The following HDAC9 variants were observed in gnomAD, a reference collection of about 807,000 sequenced individuals.
HDAC9 encodes histone deacetylase 9.
HDAC9 carries 41 observed loss-of-function variants against 139.4 expected under a neutral mutation model. That is an observed-to-expected ratio of 0.29 (90% CI 0.23 to 0.38). HDAC9 has a LOEUF of 0.38. Among genes scored for constraint, HDAC9 ranks in the 10% least tolerant of loss-of-function variants. HDAC9 has a pLI of 1.00. For missense variants in HDAC9, 1,147 were observed against 1,297.0 expected (o/e 0.88, Z 1.78); for synonymous variants, 517 against 476.2 (o/e 1.09, Z -1.12).
intron 22 of HDAC9, among the ~76,000 whole-genome samples, chr7:18,916,585 T>C (rs562544668): frequency 6.6e-6 from 1 of 152,020 alleles, no homozygotes; most frequent in East Asian, 2.0e-4. Context: ...TGTAAAATGT[T>C]GATGAATTCT....
Position 18,385,400 on chromosome 7 carries a change from G to A in HDAC9, c.-42+94885G>A, listed in dbSNP as rs185651879. Among the ~76,000 whole-genome samples the A allele has an allele frequency of 3.9e-5, 6 of 152,204 alleles. No homozygotes were observed. The East Asian group carries it at 1.2e-3, about 29-fold the overall frequency. On this transcript the variant is annotated intron_variant, in intron 1 of 3. Transcript: ENST00000413509. ...GAAATGAATAAAGTTGCCTTAGTATGCTAGTGAATGTAGCCAGTTTTCAAT... is the reference window on the plus strand; with the variant it reads ...GAAATGAATAAAGTTGCCTTAGTATACTAGTGAATGTAGCCAGTTTTCAAT...
chr7:18,466,751 C>A (rs900693482), intron 1 of HDAC9, among the ~76,000 whole-genome samples: 3 of 152,152 alleles, frequency 2.0e-5, no homozygotes, highest in Non-Finnish European at 4.4e-5. Context: ...GTAACACATT[C>A]AACGAAGTAA....
At chr7:18,526,957 C>CA (rs1367481472) in intron 2 of HDAC9, among the ~76,000 whole-genome samples, 9 of 152,054 alleles carry the variant, frequency 5.9e-5, no homozygotes, top group African/African-American at 9.7e-5. Flanking sequence ...TGAAGAGTAG[C>CA]AGTCTACATT....
intron 2 of HDAC9, among the ~76,000 whole-genome samples, chr7:18,541,954 G>A (rs1225444004): frequency 6.6e-6 from 1 of 152,044 alleles, no homozygotes; most frequent in Non-Finnish European, 1.5e-5. Context: ...CAGGGTTTTT[G>A]AGATTTGATG....
intron 2 of HDAC9, among the ~76,000 whole-genome samples, chr7:18,544,433 C>G (rs1814065942): frequency 6.6e-6 from 1 of 152,130 alleles, no homozygotes; most frequent in Non-Finnish European, 1.5e-5. Flanking sequence ...AGATGCCAAC[C>G]AGGCATCAAT....
At chr7:18,344,399 T>A (rs758662110) in intron 1 of HDAC9, among the ~76,000 whole-genome samples, 2 of 151,964 alleles carry the variant, frequency 1.3e-5, no homozygotes, top group Non-Finnish European at 2.9e-5. Context: ...TGAGGTTGAA[T>A]GGTTAAGAAT....
At chr7:18,423,047 G>A (rs1321685590) in intron 1 of HDAC9, among the ~76,000 whole-genome samples, 6 of 152,102 alleles carry the variant, frequency 3.9e-5, no homozygotes, top group Non-Finnish European at 7.3e-5. Flanking sequence ...GGGTAATTGA[G>A]ATGCACTTTA....
rs570217294 is a variant in HDAC9, at chr7:18,676,889, G to T, written c.1731+10413G>T. On this transcript the variant is annotated intron_variant, in intron 12 of 25. Coordinates refer to ENST00000686413, the MANE Select transcript of HDAC9 (RefSeq NM_178425.4). ...AAAATTCTAATTTTTAATGTCCTGGGGTTTTTGGCATGCTGTTTAAATTAA... is the reference window on the plus strand; with the variant it reads ...AAAATTCTAATTTTTAATGTCCTGGTGTTTTTGGCATGCTGTTTAAATTAA... Among the ~76,000 whole-genome samples the T allele has an allele frequency of 4.0e-5, 6 of 151,528 alleles. No individual in the cohort carries two copies. In the South Asian group the frequency reaches 1.2e-3, roughly 31 times the overall value.
chr7:18,281,106 A>G (rs1317016298), intron 2 of HDAC9, among the ~76,000 whole-genome samples: 3 of 152,198 alleles, frequency 2.0e-5, no homozygotes, highest in Admixed American at 6.5e-5. Context: ...AGATGACACA[A>G]GGTGGAACAG....
In HDAC9 at chr7:18,114,390, A is replaced by G. The variant is rs576058017; in HGVS notation, c.-97+27177A>G. On this transcript the variant is annotated intron_variant, in intron 1 of 12. Coordinates refer to the HDAC9 transcript ENST00000417496. Reference sequence around the variant, plus strand: ...GAGACAGCAAAGGAGAAATTGGTAGAGAATGACTGTTGTTAGCCAATTAGT... The same window carrying G: ...GAGACAGCAAAGGAGAAATTGGTAGGGAATGACTGTTGTTAGCCAATTAGT... Among the ~76,000 whole-genome samples the G allele has an allele frequency of 2.0e-5, 3 of 152,352 alleles. No homozygotes were observed. The East Asian group carries it at 5.8e-4, about 29-fold the overall frequency.
exon 2 of HDAC9, chr7:18,162,301 G>T: frequency 6.5e-7 from 1 of 1,534,892 alleles, no homozygotes; most frequent in Non-Finnish European, 8.7e-7. Context: ...CTGCATCCTA[G>T]TCTTAGCAGT....
rs565155859 is a variant in HDAC9, at chr7:18,186,879, C to T, written c.25+24530C>T. 2.0e-5 allele frequency among the ~76,000 whole-genome samples: 3 copies of T among 152,294 alleles called. No homozygotes were observed. The East Asian group carries it at 5.8e-4, about 29-fold the overall frequency. On this transcript the variant is annotated intron_variant, in intron 2 of 12. Transcript: ENST00000417496. ...ATTTTCTAATTGGAAGTCTTTATCT[C>T]TTTAACATGCAGAATAAAAGTAAAA...
chr7:18,731,363 T>C (rs1244389249), intron 13 of HDAC9, among the ~76,000 whole-genome samples: 1 of 152,116 alleles, frequency 6.6e-6, no homozygotes, highest in African/African-American at 2.4e-5. Context: ...AAATCTATCC[T>C]CTAAGAGCTA....
At chr7:18,408,270 A>G (rs1231927267) in intron 1 of HDAC9, among the ~76,000 whole-genome samples, 2 of 152,200 alleles carry the variant, frequency 1.3e-5, no homozygotes, top group Non-Finnish European at 2.9e-5. Context: ...TTAAAAAATT[A>G]TTGTTTCTAC....
intron 9 of HDAC9, among the ~76,000 whole-genome samples, chr7:18,645,724 A>G (rs548814899): frequency 1.3e-5 from 2 of 152,184 alleles, no homozygotes; most frequent in African/African-American, 2.4e-5. Flanking sequence ...CAGGGGTCAT[A>G]TGATACATTA....
At position 18,970,178 on chromosome 7, in the gene HDAC9, C is replaced by A. The variant is rs918581398; in HGVS notation, c.3023-5628C>A. On this transcript the variant is annotated intron_variant, in intron 24 of 25. Coordinates refer to ENST00000686413, the MANE Select transcript of HDAC9 (RefSeq NM_178425.4). ...CTAAAGTATTTAGACCCCGTTGAAA[C>A]AAAAAATACATTTTTCATAAGAATA... Among the ~76,000 whole-genome samples the A allele has an allele frequency of 3.9e-5, 6 of 152,050 alleles. No homozygotes were observed. The South Asian group carries it at 6.2e-4, about 16-fold the overall frequency.
chr7:18,717,221 A>T (rs1784766597), intron 12 of HDAC9, among the ~76,000 whole-genome samples: 1 of 152,068 alleles, frequency 6.6e-6, no homozygotes, highest in Non-Finnish European at 1.5e-5. Context: ...CAGTGAGCGC[A>T]TTCTGTTGCT....
intron 17 of HDAC9, among the ~76,000 whole-genome samples, chr7:18,796,637 A>G (rs1367017746): frequency 6.6e-6 from 1 of 152,184 alleles, no homozygotes; most frequent in Non-Finnish European, 1.5e-5. Context: ...TATTTCTCAG[A>G]TTCTCTTACA....
At chr7:18,477,952 C>T (rs1795246323) in intron 1 of HDAC9, among the ~76,000 whole-genome samples, 1 of 152,206 alleles carries the variant, frequency 6.6e-6, no homozygotes, top group East Asian at 1.9e-4. Context: ...TTTTTCTATG[C>T]TTGCTTTTCA....
Sources: allele counts gnomAD v4.1 joint callset (sites outside exome capture counted in the v4.1 genomes callset), GRCh38; gene constraint gnomAD v4.1.1; transcripts MANE v1.5; gene names NCBI Gene and HGNC (gene_info 2026-07-23, HGNC 2026-07-21).